Variants in ETV5 observed in about 807,000 individuals in gnomAD.
ETV5 encodes ETS variant transcription factor 5, also known as ETS translocation variant 5.
A neutral mutation model predicts 70.0 loss-of-function variants in ETV5; 10 were observed. That is an observed-to-expected ratio of 0.14 (90% CI 0.09 to 0.24). The LOEUF (loss-of-function observed/expected upper bound fraction) is 0.24, where lower values mean the gene tolerates loss of function less well. Ranked by LOEUF, ETV5 falls within the 10% of genes least tolerant of loss-of-function variation. ETV5 has a pLI of 1.00. For missense variants in ETV5, 453 were observed against 651.2 expected (o/e 0.70, Z 3.31); for synonymous variants, 216 against 242.2 (o/e 0.89, Z 1.01).
chr3:186,088,598 C>T (rs184927934), intron 5 of ETV5, among the ~76,000 whole-genome samples: 110 of 152,230 alleles, frequency 7.2e-4, no homozygotes, highest in Non-Finnish European at 1.4e-3. Flanking sequence ...TATTAATATT[C>T]TGTGGTTGTG....
At chr3:186,058,603 G>A (rs944941051) in intron 9 of ETV5, among the ~76,000 whole-genome samples, 11 of 152,182 alleles carry the variant, frequency 7.2e-5, no homozygotes, top group Admixed American at 6.5e-4. Flanking sequence ...AAATCCACGA[G>A]GCTGGGCACG....
chr3:186,088,571 G>A (rs1054419470), intron 5 of ETV5, among the ~76,000 whole-genome samples: 11 of 152,150 alleles, frequency 7.2e-5, no homozygotes, highest in African/African-American at 2.7e-4. Context: ...AGAGAAGTCC[G>A]AGACACCTGC....
At chr3:186,055,208 G>A (rs1713127797) in intron 11 of ETV5, among the ~76,000 whole-genome samples, 1 of 152,310 alleles carries the variant, frequency 6.6e-6, no homozygotes, top group Middle Eastern at 3.4e-3. Context: ...TTAGGCCCGA[G>A]GCAGTGGCAA....
In ETV5 at chr3:186,081,607, G is replaced by T. The variant is rs552675047; in HGVS notation, c.233-432C>A. On this transcript the variant is annotated intron_variant, in intron 5 of 12. Coordinates refer to ENST00000306376, the MANE Select transcript of ETV5 (RefSeq NM_004454.3). The stretch of plus-strand genomic sequence containing the variant: ...TTAAGCTTATCAAAGGCTTAAAATT[G>T]CTGTGGCAAATATATTTCTTATTCA... Among the ~76,000 whole-genome samples the T allele has an allele frequency of 3.3e-5, 5 of 152,248 alleles. No individual in the cohort carries two copies. The East Asian group carries it at 9.7e-4, about 29-fold the overall frequency.
intron 7 of ETV5, chr3:186,076,492 C>T (rs1200948337): frequency 1.1e-5 from 2 of 183,276 alleles, no homozygotes; most frequent in Non-Finnish European, 2.3e-5. Flanking sequence ...GATAGATCGG[C>T]ATAGTGTACT....
chr3:186,087,974 T>TA (rs11434161), intron 5 of ETV5, among the ~76,000 whole-genome samples: 15,423 of 152,212 alleles, frequency 0.1, 1,695 homozygotes, highest in East Asian at 0.53. Context: ...TGCTGAGTGT[T>TA]AAAGAAATTG....
At chr3:186,066,800 T>TC (rs1713458068) in intron 7 of ETV5, among the ~76,000 whole-genome samples, 1 of 152,164 alleles carries the variant, frequency 6.6e-6, no homozygotes, top group Admixed American at 6.5e-5. Context: ...TCATAAAACT[T>TC]CAATAATTAA....
chr3:186,057,621 G>C lies in ETV5; in HGVS notation c.971-130C>G. ...AAGTCCTACTGCTGTATCTATGGCA[G>C]ACTGAATTTTCAGGGACTTCAAGAG... On this transcript the variant is annotated intron_variant, in intron 9 of 12. Transcript: ENST00000306376. This position sits in a 1 kb window ranked among gnomAD's most constrained non-coding sequence, Gnocchi z 4.9. 1.3e-6 allele frequency: 1 copy of C among 794,414 alleles called. No homozygotes were observed. The highest frequency in any genetic ancestry group is 2.1e-6 in the Non-Finnish European group (1 of 470,880). 49.2% of individuals were successfully genotyped at this position (794,414 alleles called of 1,614,324 possible). A position where few individuals can be genotyped will look rare whatever the true frequency, so the allele number is the denominator to read the frequency against.
In ETV5 at chr3:186,057,390, A is replaced by AC; in HGVS notation, c.1039+32dup. 1 of 1,612,240 alleles carries AC rather than the reference A, an allele frequency of 6.2e-7. No individual in the cohort carries two copies. The highest frequency in any genetic ancestry group is 8.5e-7 in the Non-Finnish European group (1 of 1,178,310). On this transcript the variant is annotated intron_variant, in intron 10 of 12. Coordinates refer to ENST00000306376, the MANE Select transcript of ETV5 (RefSeq NM_004454.3). The surrounding 1 kb of genome is among the most constrained non-coding windows in gnomAD (Gnocchi z 4.9). The stretch of plus-strand genomic sequence containing the variant: ...GGTGTTCTGACACCTCCAAACCTCT[A>AC]CCTGGCAACAAACCTTGGATGGGGC...
chr3:186,060,445 T>TTTGAGTGA (rs1333514788), intron 9 of ETV5, among the ~76,000 whole-genome samples: 1 of 152,320 alleles, frequency 6.6e-6, no homozygotes, highest in East Asian at 1.9e-4. Flanking sequence ...GCCACAATCA[T>TTTGAGTGA]CTAATCACTC....
In ETV5 at chr3:186,048,004, C is replaced by A. The variant is rs1005840318; in HGVS notation, c.*635G>T. On this transcript the variant is annotated 3_prime_UTR_variant, in exon 13 of 13. Coordinates refer to ENST00000306376, the MANE Select transcript of ETV5 (RefSeq NM_004454.3). Reference sequence around the variant, plus strand: ...GAGAAAGGGGGCTTGCTCTACTTGGCGACCACATGGCCGGGTGGTTCCCAA... The same window carrying A: ...GAGAAAGGGGGCTTGCTCTACTTGGAGACCACATGGCCGGGTGGTTCCCAA... 1 of 232,948 alleles carries A rather than the reference C, an allele frequency of 4.3e-6. No homozygotes were observed. Among genetic ancestry groups the A allele is most frequent in the Non-Finnish European group, 8.5e-6 (1 of 117,728 alleles). The allele number at this position is 232,948 out of a possible 1,614,324, so 14.4% of individuals were successfully genotyped here. A position where few individuals can be genotyped will look rare whatever the true frequency, so the allele number is the denominator to read the frequency against.
intron 7 of ETV5, among the ~76,000 whole-genome samples, chr3:186,074,693 C>T (rs962686004): frequency 2.0e-5 from 3 of 151,820 alleles, no homozygotes; most frequent in Non-Finnish European, 4.4e-5. Context: ...ATGGGTGGAT[C>T]ACCTGAGGTC....
chr3:186,086,048 T>C (rs1036150624), intron 5 of ETV5, among the ~76,000 whole-genome samples: 4 of 152,136 alleles, frequency 2.6e-5, no homozygotes, highest in African/African-American at 9.7e-5. Context: ...TGGACAATTG[T>C]CTTACTACCA....
chr3:186,082,622 T>C (rs1439157421), intron 5 of ETV5, among the ~76,000 whole-genome samples: 2 of 152,192 alleles, frequency 1.3e-5, no homozygotes, highest in African/African-American at 4.8e-5. Flanking sequence ...GGTTTCACCA[T>C]GTTGGCCAGG....
chr3:186,069,138 T>C (rs1449827147), intron 7 of ETV5, among the ~76,000 whole-genome samples: 1 of 152,222 alleles, frequency 6.6e-6, no homozygotes, highest in African/African-American at 2.4e-5. Flanking sequence ...CATCAGGGTA[T>C]AGCACAGCAC....
In ETV5 at chr3:186,093,394, G is replaced by C. The variant is rs148883211; in HGVS notation, c.232+11911C>G. Among the ~76,000 whole-genome samples the C allele has an allele frequency of 2.9e-3, 434 of 152,174 alleles. 4 individuals are homozygous for C. Among genetic ancestry groups the C allele is most frequent in the African/African-American group, 9.6e-3 (399 of 41,504 alleles). On this transcript the variant is annotated intron_variant, in intron 5 of 12. Transcript: ENST00000306376. ...GTGGCTTCATATAACCTGGGGAAGG[G>C]GAGGTGGTTTAAAGGTTTCCTTCTG... is the stretch of plus-strand genomic sequence containing the variant.
chr3:186,061,604 T>C (rs1326592458), intron 9 of ETV5, among the ~76,000 whole-genome samples: 1 of 152,178 alleles, frequency 6.6e-6, no homozygotes, highest in Non-Finnish European at 1.5e-5. Flanking sequence ...GACATACATC[T>C]GGGGAAGGTG....
rs972879081 is a variant in ETV5, at chr3:186,046,588, G to C, written c.*2051C>G. The stretch of plus-strand genomic sequence containing the variant: ...TGTCCTATGCCCAGTGACAGCACAG[G>C]TCACGTAAGTTACAGCAGGGGAGGG... On this transcript the variant is annotated 3_prime_UTR_variant, in exon 13 of 13. Transcript: ENST00000306376. 4.4e-6 allele frequency: 1 copy of C among 227,448 alleles called. No individual in the cohort carries two copies. The highest frequency in any genetic ancestry group is 2.2e-5 in the African/African-American group (1 of 44,752). 14.1% of individuals were successfully genotyped at this position (227,448 alleles called of 1,614,324 possible).
At chr3:186,087,705 GC>G (rs1054654598) in intron 5 of ETV5, among the ~76,000 whole-genome samples, 22 of 152,198 alleles carry the variant, frequency 1.4e-4, no homozygotes, top group African/African-American at 4.3e-4. Context: ...ACAAGTACAG[GC>G]CTGTGGACTG....
Sources: allele counts gnomAD v4.1 joint callset (sites outside exome capture counted in the v4.1 genomes callset), GRCh38; gene constraint gnomAD v4.1.1; non-coding constraint Gnocchi (gnomAD v3.1); transcripts MANE v1.5; gene names NCBI Gene and HGNC (gene_info 2026-07-23, HGNC 2026-07-21).